NBAS: variants seen among roughly 807,000 people sequenced by gnomAD.
The protein encoded by NBAS is NAG/BC035112 fusion.
NBAS carries 219 observed loss-of-function variants against 302.5 expected under a neutral mutation model. That is an observed-to-expected ratio of 0.72 (90% CI 0.65 to 0.81). NBAS has a LOEUF of 0.81. NBAS is among the 30% of genes least tolerant of loss of function. The pLI is 0.00. For synonymous variants in NBAS, 1,118 were observed against 1,021.6 expected (o/e 1.09, Z -1.80); for missense variants, 2,932 against 2,841.6 (o/e 1.03, Z -0.72).
chr2:15,357,895 A>AG (rs1673703023), intron 32 of NBAS, among the ~76,000 whole-genome samples: 1 of 152,028 alleles, frequency 6.6e-6, no homozygotes, highest in South Asian at 2.1e-4. Flanking sequence ...CAATATAACC[A>AG]CTAACCCTGG....
the NBAS span, among the ~76,000 whole-genome samples, chr2:15,133,278 G>T: frequency 1.3e-5 from 2 of 151,410 alleles, no homozygotes; most frequent in East Asian, 3.9e-4. Flanking sequence ...TACACATGAG[G>T]TTTTCAAGAA....
At chr2:15,489,086 A>T in intron 11 of NBAS, 64 bp from the exon 12 acceptor site, 1 of 1,569,920 alleles carries the variant, frequency 6.4e-7, no homozygotes, top group Non-Finnish European at 8.7e-7. Flanking sequence ...CTCAGAAGTA[A>T]ATGACACTCT....
chr2:15,405,421 C>T (rs1334180892), intron 25 of NBAS, among the ~76,000 whole-genome samples: 1 of 152,156 alleles, frequency 6.6e-6, no homozygotes, highest in Non-Finnish European at 1.5e-5. Flanking sequence ...TGCCTAACTT[C>T]ATATAGTCTA....
At chr2:14,926,915 C>CA in the NBAS span, among the ~76,000 whole-genome samples, 1 of 152,250 alleles carries the variant, frequency 6.6e-6, no homozygotes, top group African/African-American at 2.4e-5. Context: ...TTTTGCTGAA[C>CA]ATTATTCTGG....
At chr2:14,893,676 A>G in the NBAS span, among the ~76,000 whole-genome samples, 1 of 152,188 alleles carries the variant, frequency 6.6e-6, no homozygotes, top group Non-Finnish European at 1.5e-5. Context: ...ATTTTGGCCA[A>G]TGGAAGGCAG....
chr2:15,543,245 C>A (rs993365319), intron 6 of NBAS, among the ~76,000 whole-genome samples: 1 of 152,206 alleles, frequency 6.6e-6, no homozygotes, highest in African/African-American at 2.4e-5. Context: ...TCCCATCTCA[C>A]AGCTTTTGTG....
At chr2:15,493,940 C>T (rs1680967868) in intron 11 of NBAS, among the ~76,000 whole-genome samples, 1 of 151,318 alleles carries the variant, frequency 6.6e-6, no homozygotes, top group Admixed American at 6.6e-5. Context: ...ATTCTCCTGC[C>T]TCAGCCTCCC....
rs1348363139 is a variant in NBAS at position 15,190,490 on chromosome 2, T to C, written c.6433-87A>G. On this transcript the variant is annotated intron_variant, in intron 48 of 51. Transcript: ENST00000281513. ...AATTCTACTTTATTTTAATTAAACT[T>C]TTTTTTAAAATGTTTTACAATGTGT... 7 of 1,483,308 alleles carry C rather than the reference T, an allele frequency of 4.7e-6. No homozygotes were observed. The African/African-American group carries it at 5.7e-5, about 12-fold the overall frequency. 91.9% of individuals were successfully genotyped at this position (1,483,308 alleles called of 1,614,324 possible).
the NBAS span, among the ~76,000 whole-genome samples, chr2:14,918,778 TAA>T: frequency 6.6e-6 from 1 of 151,896 alleles, no homozygotes; most frequent in Non-Finnish European, 1.5e-5. Flanking sequence ...TAGAGAAGGC[TAA>T]GTTTAAAGCT....
chr2:15,312,096 C>T (rs562014843), intron 38 of NBAS, among the ~76,000 whole-genome samples: 1 of 152,128 alleles, frequency 6.6e-6, no homozygotes, highest in Non-Finnish European at 1.5e-5. Flanking sequence ...GATAGGCCTG[C>T]CTTTGGCTTC....
Position 15,458,802 on chromosome 2 carries a change from CAG to C in NBAS, c.2339+2397_2339+2398del, listed in dbSNP as rs1679370641. Reference sequence around the variant, plus strand: ...CACTATTTACAACTATACAAAAAAACAGTGTGAAAGACTTTCTTGAGAACAAA... The same window carrying C: ...CACTATTTACAACTATACAAAAAAACTGTGAAAGACTTTCTTGAGAACAAA... On this transcript the variant is annotated intron_variant, in intron 21 of 51. Transcript: ENST00000281513. Among the ~76,000 whole-genome samples the C allele has an allele frequency of 2.6e-5, 4 of 151,996 alleles. No homozygotes were observed. In the South Asian group the frequency reaches 8.3e-4, roughly 31 times the overall value.
the NBAS span, among the ~76,000 whole-genome samples, chr2:15,063,790 G>T: frequency 6.6e-6 from 1 of 152,134 alleles, no homozygotes; most frequent in Non-Finnish European, 1.5e-5. Flanking sequence ...AAGGAGAGAG[G>T]TCTCAGGAGA....
At position 15,533,679 on chromosome 2, in the gene NBAS, C is replaced by CGTGTGTGTGT. The variant is rs59222907; in HGVS notation, c.746+854_746+863dup. On this transcript the variant is annotated intron_variant, in intron 9 of 51. Transcript: ENST00000281513. Reference sequence around the variant, plus strand: ...CACAAGGAGGACTTCGGGGGGTGTGCGTGTGTGTGTGTGTGTGTGTGTGTG... The same window carrying CGTGTGTGTGT: ...CACAAGGAGGACTTCGGGGGGTGTGCGTGTGTGTGTGTGTGTGTGTGTGTGTGTGTGTGTG... Among the ~76,000 whole-genome samples, 279 of 144,022 alleles carry CGTGTGTGTGT rather than the reference C, an allele frequency of 1.9e-3. 3 individuals carry two copies. The highest frequency in any genetic ancestry group is 7.0e-3 in the Middle Eastern group (2 of 284). 94.5% of individuals were successfully genotyped at this position (144,022 alleles called of 152,430 possible).
At chr2:15,429,012 T>C (rs1452635650) in intron 21 of NBAS, among the ~76,000 whole-genome samples, 1 of 147,584 alleles carries the variant, frequency 6.8e-6, no homozygotes, top group Non-Finnish European at 1.5e-5. Flanking sequence ...TACTTCAGCC[T>C]GGGTGACAGA....
chr2:14,913,881 C>T, the NBAS span, among the ~76,000 whole-genome samples: 1 of 152,136 alleles, frequency 6.6e-6, no homozygotes, highest in South Asian at 2.1e-4. Flanking sequence ...GGATTTCAAT[C>T]CTAGCCTTAT....
At chr2:15,500,500 TCTCACACACA>T (rs923786251) in intron 11 of NBAS, among the ~76,000 whole-genome samples, 1 of 112,082 alleles carries the variant, frequency 8.9e-6, no homozygotes, top group African/African-American at 3.8e-5. Context: ...ATTTTAGAAG[TCTCACACACA>T]CACACACACA....
At chr2:15,020,810 A>G in the NBAS span, among the ~76,000 whole-genome samples, 1 of 152,288 alleles carries the variant, frequency 6.6e-6, no homozygotes. Flanking sequence ...AGGAGAGAGC[A>G]TTACAACTCT....
chr2:14,808,891 A>G, the NBAS span, among the ~76,000 whole-genome samples: 1 of 152,214 alleles, frequency 6.6e-6, no homozygotes, highest in African/African-American at 2.4e-5. Flanking sequence ...GTGGTCTCAG[A>G]TGGAGATAAG....
intron 12 of NBAS, among the ~76,000 whole-genome samples, chr2:15,485,768 T>A (rs780785479): frequency 6.6e-6 from 1 of 152,172 alleles, no homozygotes; most frequent in Non-Finnish European, 1.5e-5. Context: ...TTTTGGAAAG[T>A]ACGGCAGAAA....
Sources: allele counts gnomAD v4.1 joint callset (sites outside exome capture counted in the v4.1 genomes callset), GRCh38; gene constraint gnomAD v4.1.1; transcripts MANE v1.5; gene names NCBI Gene and HGNC (gene_info 2026-07-23, HGNC 2026-07-21).